The following AGAP1 variants were observed in gnomAD, a reference collection of about 807,000 sequenced individuals.
AGAP1 encodes ArfGAP with GTPase domain, ankyrin repeat and PH domain 1.
In AGAP1, 29 loss-of-function variants were observed where a neutral mutation model predicts 105.3. The observed-to-expected ratio is 0.28, with a 90% CI of 0.21 to 0.38. AGAP1 has a LOEUF of 0.38. Among genes scored for constraint, AGAP1 ranks in the 10% least tolerant of loss-of-function variants. The pLI, the probability that AGAP1 is intolerant of heterozygous loss-of-function variation, is 1.00. For synonymous variants in AGAP1, 509 were observed against 485.9 expected, an observed-to-expected ratio of 1.05 and a Z score of -0.63; for missense variants, 998 against 1,165.1, an observed-to-expected ratio of 0.86 and a Z score of 2.09.
intron 1 of AGAP1, chr2:235,670,418 C>A: frequency 1.8e-6 from 1 of 559,306 alleles, no homozygotes. Flanking sequence ...GGAACTGGGG[C>A]GGCTCCGGCC....
chr2:235,898,917 G>A (rs929235412), intron 10 of AGAP1, among the ~76,000 whole-genome samples: 42 of 152,154 alleles, frequency 2.8e-4, no homozygotes, highest in Middle Eastern at 3.2e-3. Flanking sequence ...GTGGTTATCA[G>A]TGAATTATCT....
chr2:235,923,696 G>A (rs778637290), intron 11 of AGAP1, among the ~76,000 whole-genome samples: 16 of 152,176 alleles, frequency 1.1e-4, no homozygotes, highest in Non-Finnish European at 8.8e-5. Flanking sequence ...GTTGTCATTG[G>A]GTAATGTTCC....
At chr2:235,636,643 C>T (rs904438693) in intron 1 of AGAP1, among the ~76,000 whole-genome samples, 2 of 152,182 alleles carry the variant, frequency 1.3e-5, no homozygotes, top group African/African-American at 4.8e-5. Context: ...ACTCACTGTT[C>T]CAGGACTCCG....
rs751290141 is a variant in AGAP1 at position 235,908,688 on chromosome 2, A to C, written c.1156-50A>C. 1.7e-5 allele frequency: 24 copies of C among 1,409,748 alleles called. No homozygotes were observed. In the East Asian group the frequency reaches 5.2e-4, roughly 30 times the overall value. The allele number at this position is 1,409,748 out of a possible 1,614,324, so 87.3% of individuals were successfully genotyped here. ...AGACCCTTTTGTTCTAGGTTGTAAA[A>C]GGTCTTTTTTTTTTTTTTATCTCTC... is the stretch of plus-strand genomic sequence containing the variant. On this transcript the variant is annotated intron_variant, in intron 10 of 17. Coordinates refer to ENST00000304032, the MANE Select transcript of AGAP1 (RefSeq NM_001037131.3). This position sits in a 1 kb window ranked among gnomAD's most constrained non-coding sequence, Gnocchi z 4.4.
intron 12 of AGAP1, among the ~76,000 whole-genome samples, chr2:235,937,398 G>T (rs4663220): frequency 0.41 from 62,797 of 152,070 alleles, 14,431 homozygotes; most frequent in South Asian, 0.61. Flanking sequence ...TCAGAATGTT[G>T]TAACTTTGTA....
chr2:235,788,655 T>G lies in AGAP1; in HGVS notation c.674-9104T>G, dbSNP rs1192749350. ...TTGGAACTGACTGGTGGGCGTCCTG[T>G]TGGTGCATGGGGCAGACTGAAGCCT... On this transcript the variant is annotated intron_variant, in intron 6 of 17. Transcript: ENST00000304032. This position sits in a 1 kb window ranked among gnomAD's most constrained non-coding sequence, Gnocchi z 6.0. 1.3e-5 allele frequency among the ~76,000 whole-genome samples: 2 copies of G among 152,048 alleles called. No homozygotes were observed. Among genetic ancestry groups the G allele is most frequent in the Non-Finnish European group, 2.9e-5 (2 of 68,002 alleles).
intron 1 of AGAP1, among the ~76,000 whole-genome samples, chr2:235,698,071 T>A (rs1950078540): frequency 6.6e-6 from 1 of 152,032 alleles, no homozygotes; most frequent in East Asian, 1.9e-4. Context: ...GGGGGATGGT[T>A]TGGGATGAAA....
rs149928090 is a variant in AGAP1 at position 235,576,895 on chromosome 2, G to A, written c.163+82046G>A. Among the ~76,000 whole-genome samples the A allele has an allele frequency of 5.8e-3, 885 of 152,338 alleles. 32 individuals carry two copies. Among genetic ancestry groups the A allele is most frequent in the Admixed American group, 0.052 (793 of 15,298 alleles). On this transcript the variant is annotated intron_variant, in intron 1 of 17. Transcript: ENST00000304032. ...GGACAATTCTAATGGCCTCTCCATT[G>A]CTCCCTGTTGGGTTGGCGAGATGGC...
At chr2:235,501,531 A>G (rs1941561353) in intron 1 of AGAP1, among the ~76,000 whole-genome samples, 1 of 152,274 alleles carries the variant, frequency 6.6e-6, no homozygotes, top group Admixed American at 6.5e-5. Context: ...TAAGGGAGAG[A>G]AGCAGTGGGG....
intron 1 of AGAP1, among the ~76,000 whole-genome samples, chr2:235,498,784 C>A (rs1574688383): frequency 6.6e-6 from 1 of 152,166 alleles, no homozygotes; most frequent in South Asian, 2.1e-4. Context: ...GAGCCCTCAT[C>A]CAGCCCACAA....
In AGAP1 at chr2:235,615,172, G is replaced by A. The variant is rs1281845595; in HGVS notation, c.164-94007G>A. Among the ~76,000 whole-genome samples, 1 of 152,242 alleles carries A rather than the reference G, an allele frequency of 6.6e-6. No homozygotes were observed. Among genetic ancestry groups the A allele is most frequent in the Non-Finnish European group, 1.5e-5 (1 of 68,042 alleles). ...TTGCTATGACAACCCACAGAGGTGG[G>A]TGTTGTCACTTCCACTGCCAGCCAG... On this transcript the variant is annotated intron_variant, in intron 1 of 17. Transcript: ENST00000304032. The surrounding 1 kb of genome is among the most constrained non-coding windows in gnomAD (Gnocchi z 5.0).
intron 16 of AGAP1, among the ~76,000 whole-genome samples, chr2:236,102,948 C>G (rs1441934511): frequency 6.6e-6 from 1 of 152,044 alleles, no homozygotes; most frequent in East Asian, 1.9e-4. Context: ...GTTCTCCCAC[C>G]GCAAGCCCCC....
chr2:235,532,505 C>G (rs890073751), intron 1 of AGAP1, among the ~76,000 whole-genome samples: 12 of 152,216 alleles, frequency 7.9e-5, no homozygotes, highest in Non-Finnish European at 1.8e-4. Context: ...TGCACCTGCC[C>G]TACCTTTGTG....
At chr2:236,112,105 C>T (rs2059660400) in intron 16 of AGAP1, among the ~76,000 whole-genome samples, 1 of 152,050 alleles carries the variant, frequency 6.6e-6, no homozygotes, top group African/African-American at 2.4e-5. Context: ...GGGTCCTTGC[C>T]ACAGAGATTG....
rs978049551 is a variant in AGAP1, at chr2:236,089,518, C to T, written c.2115-30674C>T. 6.6e-6 allele frequency among the ~76,000 whole-genome samples: 1 copy of T among 152,302 alleles called. No individual in the cohort carries two copies. Among genetic ancestry groups the T allele is most frequent in the African/African-American group, 2.4e-5 (1 of 41,554 alleles). On this transcript the variant is annotated intron_variant, in intron 16 of 17. Coordinates refer to ENST00000304032, the MANE Select transcript of AGAP1 (RefSeq NM_001037131.3). The surrounding 1 kb of genome is among the most constrained non-coding windows in gnomAD (Gnocchi z 5.6). ...TGGCCTGATGGCCTGCGCCTGTTGCCGTTGATGAGACCCAAAGTCTGGAAC... is the reference window on the plus strand; with the variant it reads ...TGGCCTGATGGCCTGCGCCTGTTGCTGTTGATGAGACCCAAAGTCTGGAAC...
At chr2:235,587,335 T>C (rs1374658400) in intron 1 of AGAP1, among the ~76,000 whole-genome samples, 1 of 152,148 alleles carries the variant, frequency 6.6e-6, no homozygotes, top group Non-Finnish European at 1.5e-5. Flanking sequence ...AGCTGTCTTT[T>C]CAGTTGCGCA....
In AGAP1 at chr2:235,655,247, T is replaced by C. The variant is rs1489751646; in HGVS notation, c.164-53932T>C. ...GACAGGTCGTTGTCTCCATTTTTGTTCTTTAAAGCACTTTATTCCATTGGG... is the reference window on the plus strand; with the variant it reads ...GACAGGTCGTTGTCTCCATTTTTGTCCTTTAAAGCACTTTATTCCATTGGG... On this transcript the variant is annotated intron_variant, in intron 1 of 17. Transcript: ENST00000304032. This position sits in a 1 kb window ranked among gnomAD's most constrained non-coding sequence, Gnocchi z 4.3. Among the ~76,000 whole-genome samples, 1 of 152,202 alleles carries C rather than the reference T, an allele frequency of 6.6e-6. No homozygotes were observed. Among genetic ancestry groups the C allele is most frequent in the East Asian group, 1.9e-4 (1 of 5,194 alleles).
At chr2:235,522,395 G>A (rs1444333527) in intron 1 of AGAP1, among the ~76,000 whole-genome samples, 1 of 152,188 alleles carries the variant, frequency 6.6e-6, no homozygotes, top group Admixed American at 6.5e-5. Context: ...AAGACGCTCA[G>A]CCTCTCTGTA....
At chr2:235,562,320 C>A (rs552518898) in intron 1 of AGAP1, among the ~76,000 whole-genome samples, 1 of 152,126 alleles carries the variant, frequency 6.6e-6, no homozygotes, top group East Asian at 1.9e-4. Context: ...GTCTCTGTGG[C>A]GTGAGGAGTG....
Sources: gnomAD v4.1 joint callset for allele counts (sites outside exome capture counted in the v4.1 genomes callset) on GRCh38, gnomAD v4.1.1 for gene constraint, Gnocchi (gnomAD v3.1) non-coding constraint, MANE v1.5 for transcripts, NCBI Gene and HGNC (gene_info 2026-07-23, HGNC 2026-07-21) for gene names.